Variants in TAOK3 observed in about 807,000 individuals in gnomAD.
TAOK3 encodes the protein TAO kinase 3.
In TAOK3, 40 loss-of-function variants were observed where a neutral mutation model predicts 120.4. That is an observed-to-expected ratio of 0.33 (90% CI 0.26 to 0.43). TAOK3 has a LOEUF of 0.43. Among genes scored for constraint, TAOK3 ranks in the 20% least tolerant of loss-of-function variants. The pLI, the probability that TAOK3 is intolerant of heterozygous loss-of-function variation, is 1.00. For missense variants in TAOK3, 821 were observed against 1,112.1 expected, an observed-to-expected ratio of 0.74 and a Z score of 3.72; for synonymous variants, 355 against 387.5, an observed-to-expected ratio of 0.92 and a Z score of 0.99.
chr12:118,197,085 T>A (rs180764452), intron 13 of TAOK3, among the ~76,000 whole-genome samples: 1 of 152,198 alleles, frequency 6.6e-6, no homozygotes, highest in South Asian at 2.1e-4. Context: ...AGATAACATA[T>A]TTTAAAGCTC....
intron 7 of TAOK3, 97 bp downstream of exon 7, chr12:118,237,976 T>C (rs1478192980): frequency 6.5e-6 from 5 of 765,064 alleles, no homozygotes; most frequent in Non-Finnish European, 1.1e-5. Context: ...CATGAATGCT[T>C]AGGCAACCTA....
chr12:118,168,841 T>C (rs1773630734), intron 17 of TAOK3, among the ~76,000 whole-genome samples: 1 of 152,212 alleles, frequency 6.6e-6, no homozygotes, highest in Non-Finnish European at 1.5e-5. Flanking sequence ...TAACAATAAA[T>C]GTTACATGAA....
At chr12:118,201,074 C>T (rs2037996030) in intron 12 of TAOK3, 1 of 386,924 alleles carries the variant, frequency 2.6e-6, no homozygotes, top group East Asian at 4.2e-5. Context: ...ATTTTCTCCC[C>T]ATGATGGACC....
chr12:118,369,219 G>A (rs1025925823), intron 1 of TAOK3, among the ~76,000 whole-genome samples: 1 of 151,932 alleles, frequency 6.6e-6, no homozygotes, highest in African/African-American at 2.4e-5. Flanking sequence ...AAATAAGCAA[G>A]TCAAGGTACA....
intron 1 of TAOK3, among the ~76,000 whole-genome samples, chr12:118,368,196 G>GTTATTA (rs1208255637): frequency 2.6e-5 from 4 of 152,088 alleles, no homozygotes; most frequent in Admixed American, 6.6e-5. Flanking sequence ...ACGACTTTTG[G>GTTATTA]TTATTATTAT....
intron 1 of TAOK3, among the ~76,000 whole-genome samples, chr12:118,340,521 GAAT>G (rs1396035757): frequency 2.0e-5 from 3 of 152,014 alleles, no homozygotes; most frequent in Non-Finnish European, 4.4e-5. Flanking sequence ...ATTTTACAAG[GAAT>G]AAAGACATCT....
chr12:118,273,416 C>T (rs976526087), intron 1 of TAOK3, among the ~76,000 whole-genome samples: 7 of 152,122 alleles, frequency 4.6e-5, no homozygotes, highest in East Asian at 3.9e-4. Flanking sequence ...GCAGGAGAAT[C>T]GCTTGAACCA....
At chr12:118,235,510 C>G in intron 8 of TAOK3, 48 bp downstream of exon 8, 1 of 1,442,638 alleles carries the variant, frequency 6.9e-7, no homozygotes, top group Non-Finnish European at 9.7e-7. Flanking sequence ...TAGTTGAGTT[C>G]ATGTATGCAG....
intron 1 of TAOK3, among the ~76,000 whole-genome samples, chr12:118,319,990 G>A (rs1265131262): frequency 6.6e-6 from 1 of 152,134 alleles, no homozygotes; most frequent in Non-Finnish European, 1.5e-5. Context: ...CAAAATGTGG[G>A]ATATAGATAC....
At chr12:118,275,576 A>T (rs1326528258) in intron 1 of TAOK3, among the ~76,000 whole-genome samples, 1 of 152,204 alleles carries the variant, frequency 6.6e-6, no homozygotes, top group Non-Finnish European at 1.5e-5. Flanking sequence ...TCTTATTTTT[A>T]AAATCCTCAC....
At chr12:118,224,109 T>C (rs1048604752) in intron 9 of TAOK3, among the ~76,000 whole-genome samples, 21 of 152,210 alleles carry the variant, frequency 1.4e-4, no homozygotes, top group African/African-American at 4.8e-4. Context: ...AGGTATTATT[T>C]TTCCAGTTTC....
intron 9 of TAOK3, among the ~76,000 whole-genome samples, chr12:118,216,813 C>T (rs925769956): frequency 3.3e-5 from 5 of 151,638 alleles, no homozygotes; most frequent in Non-Finnish European, 5.9e-5. Flanking sequence ...CCTGTAGTTC[C>T]AGCTACTTGG....
intron 17 of TAOK3, among the ~76,000 whole-genome samples, chr12:118,167,050 G>A (rs1331119390): frequency 1.3e-5 from 2 of 152,104 alleles, no homozygotes; most frequent in African/African-American, 2.4e-5. Context: ...GAGTAAAAAC[G>A]AGAATTCTAA....
rs1292347508 is a variant in TAOK3 at position 118,371,786 on chromosome 12, T to C, written c.-194+862A>G. ...TGACTGGGGGCCCGACCCGCACCCA[T>C]GGGGCACCGCTCCTCCCTCGGGGTC... On this transcript the variant is annotated intron_variant, in intron 1 of 20. Transcript: ENST00000392533. The surrounding 1 kb of genome is among the most constrained non-coding windows in gnomAD (Gnocchi z 5.5). Among the ~76,000 whole-genome samples the C allele has an allele frequency of 1.3e-5, 2 of 151,820 alleles. No homozygotes were observed. The highest frequency in any genetic ancestry group is 4.8e-5 in the African/African-American group (2 of 41,362).
intron 3 of TAOK3, among the ~76,000 whole-genome samples, chr12:118,251,848 G>T (rs2040767592): frequency 6.7e-6 from 1 of 149,422 alleles, no homozygotes; most frequent in South Asian, 2.1e-4. Flanking sequence ...TTGAGACAGA[G>T]TCTCACTCTG....
intron 1 of TAOK3, among the ~76,000 whole-genome samples, chr12:118,364,086 A>G (rs2045680672): frequency 6.6e-6 from 1 of 152,154 alleles, no homozygotes; most frequent in Non-Finnish European, 1.5e-5. Context: ...CAGTGAGTGG[A>G]GATGGCGCCA....
chr12:118,282,105 A>G (rs2042119721), intron 1 of TAOK3, among the ~76,000 whole-genome samples: 1 of 152,246 alleles, frequency 6.6e-6, no homozygotes, highest in Non-Finnish European at 1.5e-5. Context: ...CCTGGCATAC[A>G]AACCACTCAC....
intron 9 of TAOK3, among the ~76,000 whole-genome samples, chr12:118,226,316 C>T (rs1398417045): frequency 3.3e-5 from 5 of 152,134 alleles, no homozygotes; most frequent in South Asian, 2.1e-4. Flanking sequence ...GCGGAGCTTG[C>T]AGTGAGCTGA....
At chr12:118,182,153 C>G (rs965283068) in intron 14 of TAOK3, among the ~76,000 whole-genome samples, 1 of 151,980 alleles carries the variant, frequency 6.6e-6, no homozygotes, top group Admixed American at 6.6e-5. Flanking sequence ...CCACTGCACT[C>G]CAGCCTGGGT....
Sources: allele counts gnomAD v4.1 joint callset (sites outside exome capture counted in the v4.1 genomes callset), GRCh38; gene constraint gnomAD v4.1.1; non-coding constraint Gnocchi (gnomAD v3.1); transcripts MANE v1.5; gene names NCBI Gene and HGNC (gene_info 2026-07-23, HGNC 2026-07-21).